The following MFHAS1 variants were observed in gnomAD, a reference collection of about 807,000 sequenced individuals.
MFHAS1 encodes multifunctional ROCO family signaling regulator 1, also known as malignant fibrous histiocytoma-amplified sequence 1.
A neutral mutation model predicts 70.4 loss-of-function variants in MFHAS1; 50 were observed. The ratio of observed to expected loss-of-function variants is 0.71; its 90% CI spans 0.57 to 0.90. MFHAS1 has a LOEUF of 0.90. MFHAS1 is among the 40% of genes least tolerant of loss of function. The pLI is 0.00. For missense variants in MFHAS1, 1,795 were observed against 1,347.6 expected, an observed-to-expected ratio of 1.33 and a Z score of -5.20; for synonymous variants, 952 against 620.0, an observed-to-expected ratio of 1.54 and a Z score of -7.96.
chr8:8,880,157 T>C (rs757754241), intron 1 of MFHAS1, among the ~76,000 whole-genome samples: 1 of 152,070 alleles, frequency 6.6e-6, no homozygotes, highest in Non-Finnish European at 1.5e-5. Flanking sequence ...GTGTCCAAGA[T>C]CTCCAATCAA....
At chr8:8,793,069 G>C (rs946258522) in intron 2 of MFHAS1, among the ~76,000 whole-genome samples, 6 of 152,110 alleles carry the variant, frequency 3.9e-5, no homozygotes, top group Non-Finnish European at 8.8e-5. Flanking sequence ...TGCAGAAGGG[G>C]AGGCATTTCA....
intron 1 of MFHAS1, among the ~76,000 whole-genome samples, chr8:8,815,398 G>C (rs906873354): frequency 2.0e-5 from 3 of 152,038 alleles, no homozygotes; most frequent in African/African-American, 7.2e-5. Context: ...GGAATTGCTG[G>C]GTCAAACGGT....
intron 1 of MFHAS1, among the ~76,000 whole-genome samples, chr8:8,842,478 C>A (rs568803732): frequency 6.6e-6 from 1 of 152,292 alleles, no homozygotes; most frequent in South Asian, 2.1e-4. Context: ...CGTGAGCCAC[C>A]ATGCCCGACC....
intron 1 of MFHAS1, among the ~76,000 whole-genome samples, chr8:8,812,081 C>G (rs984672138): frequency 3.9e-5 from 6 of 152,210 alleles, no homozygotes; most frequent in African/African-American, 1.4e-4. Flanking sequence ...GAGAAAACCA[C>G]AACAAAGTCA....
intron 1 of MFHAS1, among the ~76,000 whole-genome samples, chr8:8,880,771 G>C (rs915666692): frequency 6.6e-6 from 1 of 150,580 alleles, no homozygotes; most frequent in African/African-American, 2.5e-5. Context: ...TGCAACCTCC[G>C]CCTCTTGGGT....
At chr8:8,826,110 A>G (rs1256904573) in intron 1 of MFHAS1, among the ~76,000 whole-genome samples, 2 of 152,158 alleles carry the variant, frequency 1.3e-5, no homozygotes, top group Non-Finnish European at 2.9e-5. Flanking sequence ...GTTTTTTTAA[A>G]AAATTTGCAG....
intron 1 of MFHAS1, among the ~76,000 whole-genome samples, chr8:8,850,824 A>AG (rs1808219457): frequency 6.6e-6 from 1 of 151,956 alleles, no homozygotes; most frequent in Non-Finnish European, 1.5e-5. Context: ...AAAAAAAAAA[A>AG]AAAAAAAAAA....
At position 8,892,681 on chromosome 8, in the gene MFHAS1, C is replaced by T. The variant is rs918407219; in HGVS notation, c.378G>A (p.Leu126=). Residue 126 remains leucine (L), a synonymous_variant, in exon 1 of 3, where the codon CTG becomes CTA. Coordinates refer to ENST00000276282, the MANE Select transcript of MFHAS1 (RefSeq NM_004225.3). This position sits in a 1 kb window ranked among gnomAD's most constrained non-coding sequence, Gnocchi z 4.7. ...TCAGAGCACTCACCACCTCCGCGCC[C>T]AGGGCGGTCAGCCGGTTGTGGCTCA... is the stretch of plus-strand genomic sequence containing the variant. ...LDVSHNRLTA[L]GAEVVSALRE... 2.5e-6 allele frequency: 4 copies of T among 1,580,382 alleles called. No homozygotes were observed. The highest frequency in any genetic ancestry group is 1.8e-4 in the Middle Eastern group (1 of 5,694).
At chr8:8,835,907 T>C (rs547641285) in intron 1 of MFHAS1, among the ~76,000 whole-genome samples, 2 of 152,380 alleles carry the variant, frequency 1.3e-5, no homozygotes, top group East Asian at 1.9e-4. Flanking sequence ...ATTTACATAT[T>C]ATCTACGACT....
chr8:8,797,241 T>C, intron 2 of MFHAS1, 124 bp downstream of exon 2: 1 of 1,017,840 alleles, frequency 9.8e-7, no homozygotes, highest in East Asian at 2.7e-5. Flanking sequence ...AGAAGAATTA[T>C]GTCTGTTCAG....
chr8:8,820,766 G>C (rs958725813), intron 1 of MFHAS1, among the ~76,000 whole-genome samples: 7 of 152,200 alleles, frequency 4.6e-5, no homozygotes, highest in African/African-American at 1.7e-4. Flanking sequence ...AAAATCTCTA[G>C]CCGTCTGGCC....
intron 1 of MFHAS1, among the ~76,000 whole-genome samples, chr8:8,844,698 C>A (rs1807963279): frequency 6.6e-6 from 1 of 152,212 alleles, no homozygotes; most frequent in Admixed American, 6.5e-5. Flanking sequence ...ACCTCTCTTA[C>A]ATCTTCTCAA....
At chr8:8,789,202 G>A (rs1805649435) in intron 2 of MFHAS1, among the ~76,000 whole-genome samples, 1 of 152,178 alleles carries the variant, frequency 6.6e-6, no homozygotes, top group African/African-American at 2.4e-5. Context: ...ATTCATTCAT[G>A]TCACGACACA....
At chr8:8,877,956 G>T (rs773792460) in intron 1 of MFHAS1, among the ~76,000 whole-genome samples, 1 of 152,164 alleles carries the variant, frequency 6.6e-6, no homozygotes, top group Non-Finnish European at 1.5e-5. Flanking sequence ...TGAAGTCTTT[G>T]TCTGCTCCCT....
chr8:8,847,219 T>A (rs1366182768), intron 1 of MFHAS1, among the ~76,000 whole-genome samples: 1 of 152,216 alleles, frequency 6.6e-6, no homozygotes, highest in East Asian at 1.9e-4. Context: ...TTTGCTCTTG[T>A]CATCCAGGCT....
chr8:8,858,813 C>T (rs1808551632), intron 1 of MFHAS1, among the ~76,000 whole-genome samples: 1 of 152,024 alleles, frequency 6.6e-6, no homozygotes, highest in African/African-American at 2.4e-5. Context: ...CAAGGATCAA[C>T]TACACTCATG....
rs763367921 is a variant in MFHAS1 at position 8,890,876 on chromosome 8, T to G, written c.2183A>C (p.His728Pro). ...GATGTCGATGAGGCGGGTGAGGTTG[T>G]GGAAGACGTGCTCCTTGAGAGCCGG... ...DSPALKEHVFHNLTRLIDILN... is the reference protein window; with the variant it reads ...DSPALKEHVFPNLTRLIDILN... The change falls in exon 1 of 3, where the codon CAC becomes CCC. Residue 728 changes from histidine (H) to proline (P), a missense_variant. Physicochemically the swap from His to Pro is moderately conservative, Grantham distance 77. Coordinates refer to ENST00000276282, the MANE Select transcript of MFHAS1 (RefSeq NM_004225.3). The G allele has an allele frequency of 1.2e-6, 2 of 1,614,114 alleles. No individual in the cohort carries two copies. The highest frequency in any genetic ancestry group is 1.6e-4 in the Middle Eastern group (1 of 6,062).
intron 2 of MFHAS1, among the ~76,000 whole-genome samples, chr8:8,787,399 G>T (rs1805590634): frequency 1.3e-5 from 2 of 152,038 alleles, no homozygotes. Context: ...TACTAGGAAG[G>T]GAACTAAGGT....
rs570599135 is a variant in MFHAS1 at position 8,848,585 on chromosome 8, G to A, written c.2998+41476C>T. On this transcript the variant is annotated intron_variant, in intron 1 of 2. Transcript: ENST00000276282. ...AAAATACTTCATGAGATAAAGACAA[G>A]CCCTTTTACTACTAACGGAGCTGGG... Among the ~76,000 whole-genome samples, 8 of 151,656 alleles carry A rather than the reference G, an allele frequency of 5.3e-5. 1 individual carries two copies. In the South Asian group the frequency reaches 1.3e-3, roughly 24 times the overall value.
Sources: gnomAD v4.1 joint callset for allele counts (sites outside exome capture counted in the v4.1 genomes callset) on GRCh38, gnomAD v4.1.1 for gene constraint, Gnocchi (gnomAD v3.1) non-coding constraint, MANE v1.5 for transcripts, NCBI Gene and HGNC (gene_info 2026-07-23, HGNC 2026-07-21) for gene names.